FAM83F: variants seen among roughly 807,000 people sequenced by gnomAD.
FAM83F encodes protein FAM83F.
Under a neutral mutation model 42.9 loss-of-function variants are expected in FAM83F, and 45 were observed. That is an observed-to-expected ratio of 1.05 (90% CI 0.83 to 1.35). The LOEUF (loss-of-function observed/expected upper bound fraction) is 1.35. Ranked by LOEUF, FAM83F falls within the 40% of genes most tolerant of loss-of-function variation. The pLI, the probability that FAM83F is intolerant of heterozygous loss-of-function variation, is 0.00. For synonymous variants in FAM83F, 306 were observed against 298.3 expected, an observed-to-expected ratio of 1.03 and a Z score of -0.27; for missense variants, 617 against 695.9, an observed-to-expected ratio of 0.89 and a Z score of 1.28.
Position 40,021,698 on chromosome 22 carries a change from G to A in FAM83F, c.1188G>A (p.Leu396=). 1 of 1,613,166 alleles carries A rather than the reference G, an allele frequency of 6.2e-7. No homozygotes were observed. Among genetic ancestry groups the A allele is most frequent in the Non-Finnish European group, 8.5e-7 (1 of 1,179,848 alleles). ...TGGAGCCCATCCCCTTGGGAGAGCT[G>A]AGCCAGAAGGATGGCAGGATGGTCT... is the stretch of plus-strand genomic sequence containing the variant. ...PPVEPIPLGE[L]SQKDGRMVSH... Residue 396 remains leucine, a synonymous_variant, in exon 4 of 5, where the codon CTG becomes CTA. Coordinates refer to ENST00000333407, the MANE Select transcript of FAM83F (RefSeq NM_138435.4). This position sits in a 1 kb window ranked among gnomAD's most constrained non-coding sequence, Gnocchi z 8.7.
intron 1 of FAM83F, among the ~76,000 whole-genome samples, chr22:40,016,413 G>T (rs1403623767): frequency 1.3e-5 from 2 of 151,830 alleles, no homozygotes; most frequent in Non-Finnish European, 2.9e-5. Flanking sequence ...TGCCCAGGTG[G>T]GTCTGAAACT....
At chr22:40,027,380 G>GGT (rs1304500811) in intron 4 of FAM83F, among the ~76,000 whole-genome samples, 1 of 152,140 alleles carries the variant, frequency 6.6e-6, no homozygotes, top group Non-Finnish European at 1.5e-5. Context: ...ACTGACTGCA[G>GGT]GTCCCGAGTG....
rs895624495 is a variant in FAM83F, at chr22:40,039,782, A to C, written c.*10217A>C. 55 of 152,286 alleles carry C rather than the reference A, an allele frequency of 3.6e-4. No individual in the cohort carries two copies. The highest frequency in any genetic ancestry group is 1.2e-3 in the African/African-American group (51 of 41,468). 9.4% of individuals were successfully genotyped at this position (152,286 alleles called of 1,614,324 possible). ...GGAAAGCTGGCTATTTGGGGAAGCA[A>C]AGAAAAGATTCTCAGAGTAAAACGT... On this transcript the variant is annotated 3_prime_UTR_variant, in exon 5 of 5. Transcript: ENST00000333407.
In FAM83F at chr22:40,021,249, C is replaced by A; in HGVS notation, c.780-41C>A. 6.6e-7 allele frequency: 1 copy of A among 1,509,026 alleles called. No individual in the cohort carries two copies. The highest frequency in any genetic ancestry group is 8.9e-7 in the Non-Finnish European group (1 of 1,126,680). The allele number at this position is 1,509,026 out of a possible 1,614,324, so 93.5% of individuals were successfully genotyped here. A position where few individuals can be genotyped will look rare whatever the true frequency, so the allele number is the denominator to read the frequency against. ...GGCGGGGGCAGGGCAAGAGAGAGGC[C>A]TGGGCACATGTGTCTTGCTTTTCTG... is the stretch of plus-strand genomic sequence containing the variant. On this transcript the variant is annotated intron_variant, in intron 3 of 4. Coordinates refer to ENST00000333407, the MANE Select transcript of FAM83F (RefSeq NM_138435.4). This position sits in a 1 kb window ranked among gnomAD's most constrained non-coding sequence, Gnocchi z 8.7.
chr22:40,029,821 A>T lies in FAM83F; in HGVS notation c.*256A>T, dbSNP rs1275558603. 2.1e-6 allele frequency: 1 copy of T among 477,916 alleles called. No homozygotes were observed. The highest frequency in any genetic ancestry group is 3.8e-6 in the Non-Finnish European group (1 of 266,054). 29.6% of individuals were successfully genotyped at this position (477,916 alleles called of 1,614,324 possible). A position where few individuals can be genotyped will look rare whatever the true frequency, so the allele number is the denominator to read the frequency against. ...CGGCCTCCTTGTTTACATGAAGTGG[A>T]AGCTTGACCAGTGTCTGCTCGCCTT... On this transcript the variant is annotated 3_prime_UTR_variant, in exon 5 of 5. Coordinates refer to ENST00000333407, the MANE Select transcript of FAM83F (RefSeq NM_138435.4).
Position 40,033,891 on chromosome 22 carries a change from C to T in FAM83F, c.*4326C>T, listed in dbSNP as rs2067604962. Reference sequence around the variant, plus strand: ...CTGGTTATCTTTCTTAGTTCTTTACCACCTTATATTCCCCATGACAGGTGT... The same window carrying T: ...CTGGTTATCTTTCTTAGTTCTTTACTACCTTATATTCCCCATGACAGGTGT... On this transcript the variant is annotated 3_prime_UTR_variant, in exon 5 of 5. Coordinates refer to ENST00000333407, the MANE Select transcript of FAM83F (RefSeq NM_138435.4). 1 of 152,196 alleles carries T rather than the reference C, an allele frequency of 6.6e-6. No homozygotes were observed. The highest frequency in any genetic ancestry group is 1.5e-5 in the Non-Finnish European group (1 of 68,054). 9.4% of individuals were successfully genotyped at this position (152,196 alleles called of 1,614,324 possible).
rs2067366023 is a variant in FAM83F, at chr22:39,995,067, C to A, written c.25C>A (p.Leu9Met). 3 of 1,341,814 alleles carry A rather than the reference C, an allele frequency of 2.2e-6. No individual in the cohort carries two copies. The highest frequency in any genetic ancestry group is 3.1e-5 in the African/African-American group (2 of 64,800). The allele number at this position is 1,341,814 out of a possible 1,614,324, so 83.1% of individuals were successfully genotyped here. MAESQLNC[L>M]DEAHVNEKVT... ...CATGGCCGAGTCCCAGCTGAACTGC[C>A]TGGACGAGGCGCACGTGAACGAGAA... Residue 9 changes from leucine (L) to methionine (M), a missense_variant, in exon 1 of 5, where the codon CTG becomes ATG. Physicochemically the swap from Leu to Met is conservative, Grantham distance 15. Transcript: ENST00000333407. The surrounding 1 kb of genome is among the most constrained non-coding windows in gnomAD (Gnocchi z 4.6).
chr22:40,024,579 A>G (rs910674778), intron 4 of FAM83F, among the ~76,000 whole-genome samples: 1 of 152,146 alleles, frequency 6.6e-6, no homozygotes, highest in Non-Finnish European at 1.5e-5. Flanking sequence ...TTCGGGACAC[A>G]TTGCTCCCTG....
chr22:39,994,958 C>A lies in FAM83F; in HGVS notation c.-85C>A. 1 of 1,163,590 alleles carries A rather than the reference C, an allele frequency of 8.6e-7. No homozygotes were observed. Among genetic ancestry groups the A allele is most frequent in the Non-Finnish European group, 1.1e-6 (1 of 936,776 alleles). 72.1% of individuals were successfully genotyped at this position (1,163,590 alleles called of 1,614,324 possible). On this transcript the variant is annotated 5_prime_UTR_variant, in exon 1 of 5. Coordinates refer to ENST00000333407, the MANE Select transcript of FAM83F (RefSeq NM_138435.4). ...GAGCTCGCGGCCAGGTGAGGCGCCC[C>A]GCCCCTCGGCGGCTCCAGGTGCGGC... is the stretch of plus-strand genomic sequence containing the variant.
rs1225700477 is a variant in FAM83F, at chr22:40,040,666, T to G, written c.*11101T>G. On this transcript the variant is annotated 3_prime_UTR_variant, in exon 5 of 5. Coordinates refer to ENST00000333407, the MANE Select transcript of FAM83F (RefSeq NM_138435.4). ...GACATGCAATAAATGCTTATAAGCA[T>G]GCCCTCTGTAATCAGCCCTCTTTAG... The G allele has an allele frequency of 6.6e-6, 1 of 152,256 alleles. No individual in the cohort carries two copies. The highest frequency in any genetic ancestry group is 1.5e-5 in the Non-Finnish European group (1 of 68,044). 9.4% of individuals were successfully genotyped at this position (152,256 alleles called of 1,614,324 possible). A position where few individuals can be genotyped will look rare whatever the true frequency, so the allele number is the denominator to read the frequency against.
chr22:40,013,107 A>AAAAAAAAAAAAAT (rs1569232649), intron 1 of FAM83F, among the ~76,000 whole-genome samples: 1 of 150,210 alleles, frequency 6.7e-6, no homozygotes, highest in East Asian at 1.9e-4. Flanking sequence ...AAAAAAAAAA[A>AAAAAAAAAAAAAT]GACTGCTCCT....
intron 1 of FAM83F, among the ~76,000 whole-genome samples, chr22:40,009,514 G>A (rs2067452133): frequency 6.6e-6 from 1 of 152,238 alleles, no homozygotes; most frequent in South Asian, 2.1e-4. Context: ...TCAAAGCATG[G>A]TAGGAAAGGA....
At chr22:40,024,449 C>T (rs1183819961) in intron 4 of FAM83F, among the ~76,000 whole-genome samples, 2 of 152,154 alleles carry the variant, frequency 1.3e-5, no homozygotes, top group East Asian at 3.9e-4. Flanking sequence ...GCATGGGGCA[C>T]CCACCGTGGG....
At chr22:40,007,010 G>A (rs947732761) in intron 1 of FAM83F, among the ~76,000 whole-genome samples, 2 of 152,096 alleles carry the variant, frequency 1.3e-5, no homozygotes, top group African/African-American at 4.8e-5. Flanking sequence ...CCATGAAGTA[G>A]CCTCATTTTA....
intron 4 of FAM83F, 139 bp downstream of exon 4, chr22:40,022,102 G>C (rs1357148740): frequency 2.6e-6 from 2 of 784,020 alleles, no homozygotes; most frequent in Non-Finnish European, 3.8e-6. Flanking sequence ...AGGAGCTCTG[G>C]GGTTCCGGGG....
chr22:40,022,919 A>T (rs1425546580), intron 4 of FAM83F, among the ~76,000 whole-genome samples: 1 of 152,160 alleles, frequency 6.6e-6, no homozygotes, highest in African/African-American at 2.4e-5. Context: ...ATGGTGTGAG[A>T]GCAGGGAGCA....
chr22:40,019,126 G>C (rs756501152), intron 1 of FAM83F, 42 bp from the exon 2 acceptor site: 7 of 1,607,120 alleles, frequency 4.4e-6, no homozygotes, highest in Non-Finnish European at 5.9e-6. Flanking sequence ...CTCTGTGGGC[G>C]TGTAGACACC....
chr22:40,027,117 G>A (rs946349372), intron 4 of FAM83F, among the ~76,000 whole-genome samples: 5 of 152,070 alleles, frequency 3.3e-5, no homozygotes, highest in South Asian at 2.1e-4. Flanking sequence ...GGGGAGAGAC[G>A]AGGATTAGGG....
At position 40,040,863 on chromosome 22, in the gene FAM83F, A is replaced by G. The variant is rs891117121; in HGVS notation, c.*11298A>G. On this transcript the variant is annotated 3_prime_UTR_variant, in exon 5 of 5. Transcript: ENST00000333407. ...GGAGAATGCTTAATGAACACTTCCA[A>G]ATTCTTCATAGCTATGAGGGGCCAG... 3 of 152,188 alleles carry G rather than the reference A, an allele frequency of 2.0e-5. No individual in the cohort carries two copies. Among genetic ancestry groups the G allele is most frequent in the Non-Finnish European group, 4.4e-5 (3 of 68,038 alleles). The allele number at this position is 152,188 out of a possible 1,614,324, so 9.4% of individuals were successfully genotyped here.
Sources: gnomAD v4.1 joint callset for allele counts (sites outside exome capture counted in the v4.1 genomes callset) on GRCh38, gnomAD v4.1.1 for gene constraint, Gnocchi (gnomAD v3.1) non-coding constraint, MANE v1.5 for transcripts, NCBI Gene and HGNC (gene_info 2026-07-23, HGNC 2026-07-21) for gene names.